The following RHOBTB3 variants were observed in gnomAD, a reference collection of about 807,000 sequenced individuals.
RHOBTB3 encodes the protein Rho related BTB domain containing 3.
RHOBTB3 carries 47 observed loss-of-function variants against 67.2 expected under a neutral mutation model. The ratio of observed to expected loss-of-function variants is 0.70; its 90% CI spans 0.55 to 0.89. RHOBTB3 has a LOEUF of 0.89. RHOBTB3 is among the 40% of genes least tolerant of loss of function. The probability of loss-of-function intolerance (pLI) is 0.00; values close to 1 mark genes in which losing one functional copy is unlikely to be tolerated. For missense variants in RHOBTB3, 631 were observed against 750.0 expected, an observed-to-expected ratio of 0.84 and a Z score of 1.85; for synonymous variants, 273 against 274.2, an observed-to-expected ratio of 1.00 and a Z score of 0.04.
upstream of RHOBTB3, among the ~76,000 whole-genome samples, chr5:95,728,565 C>T (rs1755125365): frequency 2.0e-5 from 3 of 152,146 alleles, no homozygotes. Context: ...TGCCTTTGTA[C>T]CTATCTCTTT....
intron 3 of RHOBTB3, among the ~76,000 whole-genome samples, chr5:95,745,484 G>T (rs1744867763): frequency 6.6e-6 from 1 of 152,122 alleles, no homozygotes; most frequent in Non-Finnish European, 1.5e-5. Context: ...TATTTCTGAA[G>T]CTCTGGTAGA....
chr5:95,744,251 A>G (rs1453850762), intron 3 of RHOBTB3, among the ~76,000 whole-genome samples: 1 of 152,108 alleles, frequency 6.6e-6, no homozygotes, highest in Non-Finnish European at 1.5e-5. Flanking sequence ...GTGCCCCTCT[A>G]CACAGCCCCT....
intron 3 of RHOBTB3, among the ~76,000 whole-genome samples, chr5:95,741,521 C>CTTTTTTTTT (rs1561441040): frequency 1.3e-5 from 1 of 78,486 alleles, no homozygotes; most frequent in Admixed American, 1.5e-4. Context: ...TTCTTTCTTT[C>CTTTTTTTTT]TGTTTTTTTT....
Position 95,794,212 on chromosome 5 carries a change from A to C in RHOBTB3, c.*1038A>C, listed in dbSNP as rs1447141560. On this transcript the variant is annotated 3_prime_UTR_variant, in exon 12 of 12. Transcript: ENST00000379982. Reference sequence around the variant, plus strand: ...CTTGCTCTATCATAGATGAACAAATACTTTCTTGATCATTCTGTAAGACCA... The same window carrying C: ...CTTGCTCTATCATAGATGAACAAATCCTTTCTTGATCATTCTGTAAGACCA... 1 of 309,420 alleles carries C rather than the reference A, an allele frequency of 3.2e-6. No homozygotes were observed. Among genetic ancestry groups the C allele is most frequent in the African/African-American group, 2.2e-5 (1 of 45,926 alleles). 19.2% of individuals were successfully genotyped at this position (309,420 alleles called of 1,614,324 possible). A position where few individuals can be genotyped will look rare whatever the true frequency, so the allele number is the denominator to read the frequency against.
At chr5:95,771,786 A>G (rs191502168) in intron 8 of RHOBTB3, among the ~76,000 whole-genome samples, 1 of 152,330 alleles carries the variant, frequency 6.6e-6, no homozygotes, top group Non-Finnish European at 1.5e-5. Context: ...TGATGAAGAC[A>G]TTTACTAAAA....
chr5:95,727,009 T>C (rs760028703), upstream of RHOBTB3, among the ~76,000 whole-genome samples: 29 of 152,194 alleles, frequency 1.9e-4, no homozygotes, highest in Non-Finnish European at 3.7e-4. Context: ...TAGAAGTTTA[T>C]TCTGGAATTT....
At position 95,788,660 on chromosome 5, in the gene RHOBTB3, T is replaced by C. The variant is rs993813427; in HGVS notation, c.1624-102T>C. 6 of 729,110 alleles carry C rather than the reference T, an allele frequency of 8.2e-6. No individual in the cohort carries two copies. The East Asian group carries it at 1.8e-4, about 22-fold the overall frequency. 45.2% of individuals were successfully genotyped at this position (729,110 alleles called of 1,614,324 possible). A position where few individuals can be genotyped will look rare whatever the true frequency, so the allele number is the denominator to read the frequency against. On this transcript the variant is annotated intron_variant, in intron 10 of 11. Coordinates refer to ENST00000379982, the MANE Select transcript of RHOBTB3 (RefSeq NM_014899.4). ...GCATCAGGTAAAGGCACATTAAACA[T>C]GAATATGGGCTCTCCGTGATTGCTC... is the stretch of plus-strand genomic sequence containing the variant.
At chr5:95,765,357 T>C (rs940117870) in intron 7 of RHOBTB3, among the ~76,000 whole-genome samples, 7 of 152,192 alleles carry the variant, frequency 4.6e-5, no homozygotes, top group African/African-American at 1.2e-4. Context: ...TGAATTCTTA[T>C]TGGGGAAAGG....
intron 8 of RHOBTB3, 109 bp downstream of exon 8, chr5:95,768,275 A>G (rs1263916634): frequency 1.9e-6 from 2 of 1,027,700 alleles, no homozygotes; most frequent in African/African-American, 3.2e-5. Context: ...ATTATTCCCT[A>G]CTGAGGTATG....
chr5:95,776,952 T>C lies in RHOBTB3; in HGVS notation c.1283-3300T>C, dbSNP rs7735810. ...TTCGCAGTCAATCTTTCCTTTAAAGTGTCCCAGGCCTTCCCCCAAAACTGG... is the reference window on the plus strand; with the variant it reads ...TTCGCAGTCAATCTTTCCTTTAAAGCGTCCCAGGCCTTCCCCCAAAACTGG... On this transcript the variant is annotated intron_variant, in intron 8 of 11. Transcript: ENST00000379982. Among the ~76,000 whole-genome samples, 1,444 of 152,262 alleles carry C rather than the reference T, an allele frequency of 9.5e-3. 18 individuals carry two copies. The highest frequency in any genetic ancestry group is 0.033 in the African/African-American group (1,375 of 41,526).
chr5:95,731,003 G>C, upstream of RHOBTB3: 2 of 668,786 alleles, frequency 3.0e-6, no homozygotes, highest in Non-Finnish European at 4.6e-6. Flanking sequence ...AGTCCGGAGT[G>C]AGCGGGGGCC....
intron 3 of RHOBTB3, among the ~76,000 whole-genome samples, chr5:95,742,843 C>T (rs968834987): frequency 2.0e-5 from 3 of 152,144 alleles, no homozygotes; most frequent in Non-Finnish European, 2.9e-5. Flanking sequence ...GAGGCCGAGG[C>T]GGGCGGATCA....
At chr5:95,751,225 A>G (rs1471451752) in intron 4 of RHOBTB3, 1 of 152,232 alleles carries the variant, frequency 6.6e-6, no homozygotes, top group Non-Finnish European at 1.5e-5. Flanking sequence ...ATCTGTAGAC[A>G]TAGAGGCAGC....
In RHOBTB3 at chr5:95,770,079, TC is replaced by T. The variant is rs1745663971; in HGVS notation, c.1282+1914del. ...ATTGGGACCAAAGGTGATGCTATGC[TC>T]TTTAAAGGAAATGGTGACAAGTCTT... On this transcript the variant is annotated intron_variant, in intron 8 of 11. Transcript: ENST00000379982. 1.7e-5 allele frequency: 5 copies of T among 301,840 alleles called. 1 individual carries two copies. In the South Asian group the frequency reaches 1.8e-4, roughly 11 times the overall value. The allele number at this position is 301,840 out of a possible 1,614,324, so 18.7% of individuals were successfully genotyped here.
At chr5:95,754,251 G>T (rs1185188055) in intron 5 of RHOBTB3, among the ~76,000 whole-genome samples, 2 of 152,204 alleles carry the variant, frequency 1.3e-5, no homozygotes, top group Non-Finnish European at 2.9e-5. Context: ...TAAGAGAGCT[G>T]TGTGTATAAC....
Position 95,763,621 on chromosome 5 carries a change from G to T in RHOBTB3, c.1161+1G>T. 6.5e-7 allele frequency: 1 copy of T among 1,543,490 alleles called. No individual in the cohort carries two copies. Among genetic ancestry groups the T allele is most frequent in the African/African-American group, 1.4e-5 (1 of 73,570 alleles). On this transcript the variant is annotated splice_donor_variant, in intron 7 of 11. Coordinates refer to ENST00000379982, the MANE Select transcript of RHOBTB3 (RefSeq NM_014899.4). LOFTEE classifies it high-confidence loss of function. Reference sequence around the variant, plus strand: ...ATGCATTTTAAAAACACCAGGAAAGGTAAGTTGATTTGTTGTAAGTTAGTT... The same window carrying T: ...ATGCATTTTAAAAACACCAGGAAAGTTAAGTTGATTTGTTGTAAGTTAGTT...
intron 7 of RHOBTB3, among the ~76,000 whole-genome samples, chr5:95,765,635 T>C (rs139039364): frequency 1.4e-4 from 22 of 152,332 alleles, no homozygotes; most frequent in African/African-American, 4.8e-4. Flanking sequence ...TTCTGAAGCC[T>C]CTGCGAGCTC....
At position 95,737,048 on chromosome 5, in the gene RHOBTB3, A is replaced by G. The variant is rs1439043156; in HGVS notation, c.388A>G (p.Ile130Val). 6.3e-7 allele frequency: 1 copy of G among 1,598,882 alleles called. No individual in the cohort carries two copies. Among genetic ancestry groups the G allele is most frequent in the South Asian group, 1.1e-5 (1 of 90,326 alleles). Reference sequence around the variant, plus strand: ...AGCATTAAATTCAGTTCCAGTAATTATTGCTGCTGTTGGTACCAGACAAAA... The same window carrying G: ...AGCATTAAATTCAGTTCCAGTAATTGTTGCTGCTGTTGGTACCAGACAAAA... ...KRALNSVPVI[I>V]AAVGTRQNEE... The change falls in exon 3 of 12, where the codon ATT becomes GTT. Residue 130 changes from isoleucine to valine, a missense_variant. Ile to Val is a conservative substitution (Grantham distance 29). Coordinates refer to ENST00000379982, the MANE Select transcript of RHOBTB3 (RefSeq NM_014899.4).
chr5:95,736,964 G>A lies in RHOBTB3; in HGVS notation c.304G>A (p.Val102Ile), dbSNP rs139206452. Residue 102 changes from valine to isoleucine, a missense_variant, in exon 3 of 12, where the codon GTT becomes ATT. Transcript: ENST00000379982. ...TGACATCATTGTGATCAAATACAAC[G>A]TTAATGACAAGTTTTCATTCCATGA... ...GADIIVIKYN[V>I]NDKFSFHEVK... The A allele has an allele frequency of 3.6e-3, 5,864 of 1,611,228 alleles. 19 individuals carry two copies. Among genetic ancestry groups the A allele is most frequent in the Middle Eastern group, 5.5e-3 (33 of 6,052 alleles).
Sources: gnomAD v4.1 joint callset for allele counts (sites outside exome capture counted in the v4.1 genomes callset) on GRCh38, gnomAD v4.1.1 for gene constraint, MANE v1.5 for transcripts, NCBI Gene and HGNC (gene_info 2026-07-23, HGNC 2026-07-21) for gene names.